Variants in LSAMP observed in about 807,000 individuals in gnomAD.
LSAMP encodes limbic system-associated membrane protein.
A neutral mutation model predicts 38.6 loss-of-function variants in LSAMP; 7 were observed. That is an observed-to-expected ratio of 0.18 (90% confidence interval 0.10 to 0.34). The LOEUF (loss-of-function observed/expected upper bound fraction) is 0.34. LSAMP is among the 10% of genes least tolerant of loss of function. The probability of loss-of-function intolerance (pLI) is 1.00; values close to 1 mark genes in which losing one functional copy is unlikely to be tolerated. For synonymous variants in LSAMP, 154 were observed against 166.8 expected (o/e 0.92, Z 0.59); for missense variants, 313 against 420.0 (o/e 0.75, Z 2.23).
At chr3:116,166,611 T>A (rs995382555) in intron 1 of LSAMP, among the ~76,000 whole-genome samples, 3 of 152,134 alleles carry the variant, frequency 2.0e-5, no homozygotes, top group African/African-American at 7.2e-5. Flanking sequence ...TATATATGTA[T>A]GCATTTTTTA....
At chr3:116,332,458 C>T (rs984226300) in intron 1 of LSAMP, among the ~76,000 whole-genome samples, 3 of 151,828 alleles carry the variant, frequency 2.0e-5, no homozygotes, top group Non-Finnish European at 4.4e-5. Flanking sequence ...AAATATAGTT[C>T]CCATGCTAAC....
At chr3:116,176,545 C>A (rs1710347647) in intron 1 of LSAMP, among the ~76,000 whole-genome samples, 1 of 152,088 alleles carries the variant, frequency 6.6e-6, no homozygotes, top group South Asian at 2.1e-4. Context: ...AACCAGGCAA[C>A]CAAAGGTTCT....
chr3:116,166,787 G>GTTTTTTTTTTTTT (rs35340943), intron 1 of LSAMP, among the ~76,000 whole-genome samples: 48 of 118,802 alleles, frequency 4.0e-4, no homozygotes, highest in East Asian at 7.3e-4. Flanking sequence ...TTTTTTTTTT[G>GTTTTTTTTTTTTT]TTTTTTTTTT....
chr3:115,942,753 CT>C (rs993850866), intron 3 of LSAMP, among the ~76,000 whole-genome samples: 3 of 152,098 alleles, frequency 2.0e-5, no homozygotes, highest in African/African-American at 7.2e-5. Flanking sequence ...ATTTTTAAAG[CT>C]TGCCAGTAAA....
chr3:116,312,211 TA>T (rs1386582208), intron 1 of LSAMP, among the ~76,000 whole-genome samples: 2 of 152,118 alleles, frequency 1.3e-5, no homozygotes, highest in African/African-American at 4.8e-5. Context: ...ACAAATAAAC[TA>T]ACAAATAATC....
chr3:116,091,055 C>T (rs1261805587), intron 1 of LSAMP, among the ~76,000 whole-genome samples: 3 of 152,204 alleles, frequency 2.0e-5, no homozygotes, highest in African/African-American at 7.2e-5. Flanking sequence ...GAGACTATCT[C>T]ACCTCTGCAA....
intron 3 of LSAMP, among the ~76,000 whole-genome samples, chr3:115,854,276 ATTATTATTTT>A (rs1317519587): frequency 6.7e-4 from 80 of 119,586 alleles, no homozygotes; most frequent in African/African-American, 1.7e-3. Flanking sequence ...TATTATTATT[ATTATTATTTT>A]TTTTTTTTTT....
chr3:116,184,001 G>T (rs1212907609), intron 1 of LSAMP, among the ~76,000 whole-genome samples: 2 of 151,650 alleles, frequency 1.3e-5, no homozygotes, highest in African/African-American at 2.4e-5. Context: ...TTTTGAACAG[G>T]AGGAAAAAAC....
chr3:116,185,353 T>C (rs973886316), intron 1 of LSAMP, among the ~76,000 whole-genome samples: 1 of 152,048 alleles, frequency 6.6e-6, no homozygotes, highest in African/African-American at 2.4e-5. Flanking sequence ...CCCTGAATAT[T>C]GATACTTGCT....
At chr3:116,015,720 A>G (rs1647002306) in intron 3 of LSAMP, among the ~76,000 whole-genome samples, 1 of 152,054 alleles carries the variant, frequency 6.6e-6, no homozygotes, top group Non-Finnish European at 1.5e-5. Context: ...TTGAAAAGGA[A>G]ATTTCAGATG....
At chr3:116,296,814 T>A (rs2047341528) in intron 1 of LSAMP, among the ~76,000 whole-genome samples, 2 of 151,540 alleles carry the variant, frequency 1.3e-5, no homozygotes, top group Non-Finnish European at 2.9e-5. Flanking sequence ...GGCATAACCC[T>A]TACGCCATGG....
chr3:116,439,541 A>AAAAAAG (rs1448454156), intron 1 of LSAMP, among the ~76,000 whole-genome samples: 2 of 151,984 alleles, frequency 1.3e-5, no homozygotes, highest in Non-Finnish European at 2.9e-5. Context: ...ACTGGCCTAA[A>AAAAAAG]AAAAAAGAAA....
intron 1 of LSAMP, among the ~76,000 whole-genome samples, chr3:116,298,950 T>A (rs2047371427): frequency 6.6e-6 from 1 of 152,118 alleles, no homozygotes; most frequent in African/African-American, 2.4e-5. Flanking sequence ...ACTTAAGGAC[T>A]TATGAAGAAA....
chr3:115,920,276 T>TA (rs1298583993), intron 3 of LSAMP, among the ~76,000 whole-genome samples: 4 of 152,222 alleles, frequency 2.6e-5, no homozygotes. Context: ...CTGGTTTCCA[T>TA]ACTGGCTGCA....
At chr3:115,822,051 G>A (rs1361865044) in intron 6 of LSAMP, among the ~76,000 whole-genome samples, 1 of 152,150 alleles carries the variant, frequency 6.6e-6, no homozygotes, top group African/African-American at 2.4e-5. Flanking sequence ...TCTTCACTCA[G>A]AGGCTTTAGG....
At chr3:116,122,101 A>G (rs1383878119) in intron 1 of LSAMP, among the ~76,000 whole-genome samples, 2 of 152,140 alleles carry the variant, frequency 1.3e-5, no homozygotes, top group Non-Finnish European at 2.9e-5. Flanking sequence ...AGCATTGGAG[A>G]TAAGGTAAAT....
At chr3:116,298,934 C>CCAAA (rs1240719601) in intron 1 of LSAMP, among the ~76,000 whole-genome samples, 15 of 151,958 alleles carry the variant, frequency 9.9e-5, no homozygotes, top group African/African-American at 7.3e-5. Flanking sequence ...TGGGTATTTG[C>CCAAA]CAAACACTTA....
intron 1 of LSAMP, among the ~76,000 whole-genome samples, chr3:116,113,565 A>G (rs1303321651): frequency 1.3e-5 from 2 of 148,646 alleles, no homozygotes; most frequent in South Asian, 2.1e-4. Flanking sequence ...AGCTGGGACT[A>G]CAGGCGCCCG....
intron 1 of LSAMP, among the ~76,000 whole-genome samples, chr3:116,280,266 T>C (rs2107680992): frequency 6.6e-6 from 1 of 152,306 alleles, no homozygotes; most frequent in East Asian, 1.9e-4. Context: ...ATGGCATATA[T>C]TTTCACTACA....
Sources: allele counts gnomAD v4.1 joint callset (sites outside exome capture counted in the v4.1 genomes callset), GRCh38; gene constraint gnomAD v4.1.1; transcripts MANE v1.5; gene names NCBI Gene and HGNC (gene_info 2026-07-23, HGNC 2026-07-21).